RBFOX1: variants seen among roughly 807,000 people sequenced by gnomAD.
The protein encoded by RBFOX1 is RNA binding fox-1 homolog 1.
Under a neutral mutation model 57.7 loss-of-function variants are expected in RBFOX1, and 8 were observed. The observed-to-expected ratio is 0.14, with a 90% CI of 0.08 to 0.25. The LOEUF (loss-of-function observed/expected upper bound fraction) is 0.25. RBFOX1 is among the 10% of genes least tolerant of loss of function. The pLI, the probability that RBFOX1 is intolerant of heterozygous loss-of-function variation, is 1.00. For missense variants in RBFOX1, 611 were observed against 548.5 expected, an observed-to-expected ratio of 1.11 and a Z score of -1.14; for synonymous variants, 326 against 222.4, an observed-to-expected ratio of 1.47 and a Z score of -4.15.
intron 4 of RBFOX1, among the ~76,000 whole-genome samples, chr16:7,098,729 C>G (rs979561155): frequency 2.6e-5 from 4 of 151,942 alleles, no homozygotes; most frequent in Non-Finnish European, 5.9e-5. Context: ...GCAGGAGGAT[C>G]ATTTGAGCTC....
At chr16:7,081,802 A>G (rs1046760030) in intron 4 of RBFOX1, among the ~76,000 whole-genome samples, 16 of 152,212 alleles carry the variant, frequency 1.1e-4, no homozygotes, top group African/African-American at 3.9e-4. Context: ...GGAGAATCCA[A>G]TAATAGGATT....
In RBFOX1 at chr16:7,014,624, G is replaced by T. The variant is rs550999524; in HGVS notation, c.-15-37433G>T. Among the ~76,000 whole-genome samples, 12 of 152,224 alleles carry T rather than the reference G, an allele frequency of 7.9e-5. No individual in the cohort carries two copies. In the East Asian group the frequency reaches 2.3e-3, roughly 29 times the overall value. On this transcript the variant is annotated intron_variant, in intron 3 of 15. Transcript: ENST00000550418. ...GTCTTTGCAAAAATACATTTAAAAG[G>T]TTGGGAAAATATATTTTGGATTTGA...
At chr16:5,437,229 C>A (rs1289627185) in intron 1 of RBFOX1, among the ~76,000 whole-genome samples, 2 of 152,132 alleles carry the variant, frequency 1.3e-5, no homozygotes, top group Non-Finnish European at 2.9e-5. Context: ...CACTGAAAGA[C>A]CTTCTTGAAT....
chr16:7,333,512 G>A, intron 4 of RBFOX1, among the ~76,000 whole-genome samples: 1 of 152,176 alleles, frequency 6.6e-6, no homozygotes, highest in East Asian at 1.9e-4. Context: ...TAATTCATAG[G>A]ACGCCTCCAC....
At chr16:6,822,379 G>A (rs539967580) in intron 3 of RBFOX1, among the ~76,000 whole-genome samples, 2 of 152,242 alleles carry the variant, frequency 1.3e-5, no homozygotes, top group Admixed American at 1.3e-4. Flanking sequence ...GCAAGAATTT[G>A]GCTGTCAGGG....
At chr16:6,959,432 G>C (rs1217261748) in intron 3 of RBFOX1, among the ~76,000 whole-genome samples, 1 of 152,172 alleles carries the variant, frequency 6.6e-6, no homozygotes, top group African/African-American at 2.4e-5. Flanking sequence ...ATCACAGCAG[G>C]GATGAAGGCA....
chr16:6,974,312 T>C (rs2086271028), intron 3 of RBFOX1, among the ~76,000 whole-genome samples: 1 of 150,506 alleles, frequency 6.6e-6, no homozygotes, highest in African/African-American at 2.4e-5. Flanking sequence ...TTTGTGGTGA[T>C]ATAAATCACA....
intron 2 of RBFOX1, among the ~76,000 whole-genome samples, chr16:5,519,096 G>C (rs550800748): frequency 1.3e-5 from 2 of 152,024 alleles, no homozygotes; most frequent in Non-Finnish European, 2.9e-5. Context: ...GGCTCCAAAA[G>C]AAAACCTTGC....
At chr16:7,075,665 C>T (rs147516704) in intron 4 of RBFOX1, among the ~76,000 whole-genome samples, 1,542 of 152,248 alleles carry the variant, frequency 0.01, 31 homozygotes, top group African/African-American at 0.035. Flanking sequence ...ACTGCAAGGT[C>T]CGCCTCTCAG....
intron 3 of RBFOX1, among the ~76,000 whole-genome samples, chr16:6,936,664 C>A (rs77044213): frequency 0.022 from 3,304 of 152,058 alleles, 127 homozygotes; most frequent in African/African-American, 0.075. Context: ...CGCTATTTCA[C>A]AGATACAAAA....
At chr16:7,076,589 A>C (rs945391102) in intron 4 of RBFOX1, among the ~76,000 whole-genome samples, 1 of 152,226 alleles carries the variant, frequency 6.6e-6, no homozygotes, top group African/African-American at 2.4e-5. Context: ...GAATTTCTTC[A>C]AATTACTGCT....
chr16:5,650,403 C>T (rs2049197879), intron 3 of RBFOX1, among the ~76,000 whole-genome samples: 1 of 152,178 alleles, frequency 6.6e-6, no homozygotes, highest in African/African-American at 2.4e-5. Flanking sequence ...TCCTGGCATC[C>T]TGCAAGTGGT....
upstream of RBFOX1, among the ~76,000 whole-genome samples, chr16:6,017,344 A>C (rs1452205157): frequency 6.6e-6 from 1 of 152,212 alleles, no homozygotes; most frequent in East Asian, 1.9e-4. Context: ...ATTTGCTTTT[A>C]AATTGAGAAT....
intron 2 of RBFOX1, among the ~76,000 whole-genome samples, chr16:6,503,068 T>C (rs921123662): frequency 6.6e-6 from 1 of 152,198 alleles, no homozygotes; most frequent in Non-Finnish European, 1.5e-5. Flanking sequence ...TTTAGACATA[T>C]GGATGCATGG....
At chr16:7,285,849 T>A (rs746506733) in intron 4 of RBFOX1, among the ~76,000 whole-genome samples, 8 of 152,238 alleles carry the variant, frequency 5.3e-5, no homozygotes, top group Non-Finnish European at 8.8e-5. Flanking sequence ...AATCTTCAAG[T>A]GCAGGGTTTT....
chr16:5,345,604 T>G (rs1452363037), intron 1 of RBFOX1, among the ~76,000 whole-genome samples: 1 of 152,188 alleles, frequency 6.6e-6, no homozygotes, highest in Non-Finnish European at 1.5e-5. Context: ...GCAAGAAGAT[T>G]TAATTATTGA....
chr16:7,498,047 G>T (rs750378510), intron 4 of RBFOX1, among the ~76,000 whole-genome samples: 1 of 152,184 alleles, frequency 6.6e-6, no homozygotes, highest in African/African-American at 2.4e-5. Flanking sequence ...TGGGAGCTTT[G>T]TTGGATTTGG....
chr16:7,512,285 A>G (rs2075302788), intron 4 of RBFOX1, among the ~76,000 whole-genome samples: 1 of 152,200 alleles, frequency 6.6e-6, no homozygotes, highest in South Asian at 2.1e-4. Context: ...CCTGGAGTGG[A>G]AAAGGTGCCC....
chr16:7,345,997 G>A (rs2145620256), intron 4 of RBFOX1, among the ~76,000 whole-genome samples: 1 of 152,098 alleles, frequency 6.6e-6, no homozygotes, highest in East Asian at 1.9e-4. Context: ...CCCACAACAG[G>A]CCCCGGTGTG....
Sources: gnomAD v4.1 joint callset for allele counts (sites outside exome capture counted in the v4.1 genomes callset) on GRCh38, gnomAD v4.1.1 for gene constraint, MANE v1.5 for transcripts, NCBI Gene and HGNC (gene_info 2026-07-23, HGNC 2026-07-21) for gene names.